SORL1: variants seen among roughly 807,000 people sequenced by gnomAD.
The protein encoded by SORL1 is sortilin related receptor 1.
SORL1 carries 127 observed loss-of-function variants against 273.7 expected under a neutral mutation model. The ratio of observed to expected loss-of-function variants is 0.46; its 90% CI spans 0.40 to 0.54. The LOEUF (loss-of-function observed/expected upper bound fraction) is 0.54, where lower values mean the gene tolerates loss of function less well. SORL1 is among the 20% of genes least tolerant of loss of function. The pLI is 0.00. For missense variants in SORL1, 2,494 were observed against 2,846.1 expected (o/e 0.88, Z 2.81); for synonymous variants, 1,031 against 1,067.4 (o/e 0.97, Z 0.66).
At position 121,605,244 on chromosome 11, in the gene SORL1, G is replaced by T. The variant is rs1863451642; in HGVS notation, c.4778+5G>T. 6.2e-7 allele frequency: 1 copy of T among 1,607,206 alleles called. No individual in the cohort carries two copies. The highest frequency in any genetic ancestry group is 8.5e-7 in the Non-Finnish European group (1 of 1,177,382). On this transcript the variant is annotated splice_donor_5th_base_variant and intron_variant, in intron 34 of 47. Coordinates refer to ENST00000260197, the MANE Select transcript of SORL1 (RefSeq NM_003105.6). The stretch of plus-strand genomic sequence containing the variant: ...TGTATATAATGTCTACTACAGGTAG[G>T]TCCCATCTTTGTCATGGGAGATGAA...
chr11:121,487,279 C>T (rs564657208), intron 3 of SORL1, among the ~76,000 whole-genome samples: 9 of 152,330 alleles, frequency 5.9e-5, no homozygotes, highest in African/African-American at 9.6e-5. Context: ...GCGTCTGGTC[C>T]GTGGTGGGAA....
chr11:121,482,487 T>C (rs1292162905), intron 3 of SORL1, among the ~76,000 whole-genome samples: 1 of 152,206 alleles, frequency 6.6e-6, no homozygotes, highest in Admixed American at 6.5e-5. Context: ...CAGCATTCTC[T>C]GTAGATAGTT....
At chr11:121,586,693 T>TGGGGGGGGGGGGGGGG (rs376563096) in intron 27 of SORL1, among the ~76,000 whole-genome samples, 4 of 97,160 alleles carry the variant, frequency 4.1e-5, no homozygotes, top group Admixed American at 1.2e-4. Flanking sequence ...GGGGGTAGAG[T>TGGGGGGGGGGGGGGGG]GGGGGGGGGG....
intron 24 of SORL1, chr11:121,576,841 A>G: frequency 6.5e-6 from 10 of 1,534,822 alleles, no homozygotes; most frequent in Non-Finnish European, 7.9e-6. Flanking sequence ...TCTCACGGTG[A>G]TCAGCTCATG....
intron 1 of SORL1, among the ~76,000 whole-genome samples, chr11:121,458,134 G>A (rs1259411795): frequency 1.3e-5 from 2 of 152,176 alleles, no homozygotes; most frequent in Non-Finnish European, 2.9e-5. Context: ...AAAAATAATC[G>A]ATTTGCTTTT....
chr11:121,593,882 T>C (rs1332743095), intron 31 of SORL1, among the ~76,000 whole-genome samples: 2 of 152,178 alleles, frequency 1.3e-5, no homozygotes, highest in Middle Eastern at 3.2e-3. Flanking sequence ...TTTAGTTTAA[T>C]CCCATGTTTC....
In SORL1 at chr11:121,622,284, A is replaced by C; in HGVS notation, c.6171+16A>C. ...TGAAAGCAGGGTAAGTTCCTCCCTCATTCTCAATGACTTTGGAAATTTAAT... is the reference window on the plus strand; with the variant it reads ...TGAAAGCAGGGTAAGTTCCTCCCTCCTTCTCAATGACTTTGGAAATTTAAT... On this transcript the variant is annotated intron_variant, in intron 45 of 47. Coordinates refer to ENST00000260197, the MANE Select transcript of SORL1 (RefSeq NM_003105.6). 6.9e-7 allele frequency: 1 copy of C among 1,451,180 alleles called. No homozygotes were observed. The highest frequency in any genetic ancestry group is 9.7e-7 in the Non-Finnish European group (1 of 1,035,266). 89.9% of individuals were successfully genotyped at this position (1,451,180 alleles called of 1,614,324 possible). A position where few individuals can be genotyped will look rare whatever the true frequency, so the allele number is the denominator to read the frequency against.
At chr11:121,555,539 T>C (rs923466503) in intron 18 of SORL1, among the ~76,000 whole-genome samples, 5 of 152,230 alleles carry the variant, frequency 3.3e-5, no homozygotes, top group African/African-American at 1.2e-4. Flanking sequence ...CTAATAACAA[T>C]AAATGGTAAT....
At position 121,595,670 on chromosome 11, in the gene SORL1, C is replaced by T. The variant is rs757266473; in HGVS notation, c.4417C>T (p.Arg1473Ter). The T allele has an allele frequency of 1.9e-6, 3 of 1,613,078 alleles. No individual in the cohort carries two copies. Among genetic ancestry groups the T allele is most frequent in the Non-Finnish European group, 2.5e-6 (3 of 1,179,554 alleles). ...STPTQLGRCD[R>*]FEFECHQPKT... ...TCCCACCCAACTTGGGCGATGTGAC[C>T]GATTTGAGTTCGAATGCCACCAACC... Residue 1473 changes from arginine (R) to a stop codon, truncating the protein, a stop_gained, in exon 32 of 48, where the codon CGA (arginine) becomes TGA (stop). Coordinates refer to ENST00000260197, the MANE Select transcript of SORL1 (RefSeq NM_003105.6). LOFTEE classifies it high-confidence loss of function. The surrounding 1 kb of genome is among the most constrained non-coding windows in gnomAD (Gnocchi z 5.1).
At chr11:121,501,850 C>T (rs1375392233) in intron 6 of SORL1, among the ~76,000 whole-genome samples, 1 of 152,188 alleles carries the variant, frequency 6.6e-6, no homozygotes, top group African/African-American at 2.4e-5. Flanking sequence ...CCTTTTGTGA[C>T]TGGTTTCTTT....
intron 22 of SORL1, 121 bp downstream of exon 22, chr11:121,567,234 G>A (rs1862768455): frequency 1.1e-6 from 1 of 891,860 alleles, no homozygotes; most frequent in Non-Finnish European, 1.7e-6. Flanking sequence ...AAAGTCCAAG[G>A]TAAAAATCAA....
intron 16 of SORL1, among the ~76,000 whole-genome samples, chr11:121,552,708 G>C (rs2134900277): frequency 6.6e-6 from 1 of 152,294 alleles, no homozygotes; most frequent in Middle Eastern, 3.4e-3. Context: ...AAAATTGTAG[G>C]TAGATTTATT....
chr11:121,467,278 T>C (rs986866186), intron 1 of SORL1, among the ~76,000 whole-genome samples: 2 of 152,138 alleles, frequency 1.3e-5, no homozygotes, highest in African/African-American at 4.8e-5. Context: ...CCCTTGGATG[T>C]TTTGAGGCTT....
At chr11:121,540,421 A>G (rs1282149992) in intron 12 of SORL1, among the ~76,000 whole-genome samples, 8 of 151,600 alleles carry the variant, frequency 5.3e-5, no homozygotes, top group African/African-American at 1.9e-4. Flanking sequence ...TCACGCCTGT[A>G]ATCCCAGCAC....
intron 23 of SORL1, among the ~76,000 whole-genome samples, chr11:121,573,933 C>T (rs894942336): frequency 3.9e-5 from 6 of 152,282 alleles, no homozygotes; most frequent in Admixed American, 2.0e-4. Flanking sequence ...ACACTTTTCG[C>T]GTCTGAAGGG....
chr11:121,595,312 G>A lies in SORL1; in HGVS notation c.4370-311G>A, dbSNP rs561263876. ...CTCCTGTGACGGCTTAGGGTAGGAC[G>A]CAGCCTTCGCTGGCCTCTTTAGTCA... On this transcript the variant is annotated intron_variant, in intron 31 of 47. Transcript: ENST00000260197. This position sits in a 1 kb window ranked among gnomAD's most constrained non-coding sequence, Gnocchi z 5.1. Among the ~76,000 whole-genome samples, 8 of 152,290 alleles carry A rather than the reference G, an allele frequency of 5.3e-5. No individual in the cohort carries two copies. The highest frequency in any genetic ancestry group is 1.9e-4 in the African/African-American group (8 of 41,580).
rs765993346 is a variant in SORL1, at chr11:121,583,535, G to T, written c.3658G>T (p.Gly1220Trp). The change falls in exon 26 of 48, where the codon GGG becomes TGG. Residue 1220 changes from glycine to tryptophan, a missense_variant. By Grantham distance (184) the Gly-to-Trp change is radical. Coordinates refer to ENST00000260197, the MANE Select transcript of SORL1 (RefSeq NM_003105.6). ...CATCCCCCAGCGGTGGGCGTGTGAC[G>T]GGGATACGGACTGCCAGGATGGTTC... ...HCIPQRWACD[G>W]DTDCQDGSDE... 4.3e-6 allele frequency: 7 copies of T among 1,612,540 alleles called. No individual in the cohort carries two copies. The South Asian group carries it at 7.7e-5, about 18-fold the overall frequency.
At chr11:121,552,865 T>A (rs1320304372) in intron 16 of SORL1, among the ~76,000 whole-genome samples, 1 of 152,218 alleles carries the variant, frequency 6.6e-6, no homozygotes, top group Non-Finnish European at 1.5e-5. Context: ...TGGTCCCATA[T>A]GCAACACACT....
chr11:121,545,096 A>G (rs1198559718), intron 13 of SORL1, 147 bp from the exon 14 acceptor site: 6 of 691,874 alleles, frequency 8.7e-6, no homozygotes, highest in East Asian at 2.7e-5. Context: ...CCCAGCTTCA[A>G]AACAAGCTGA....
Sources: gnomAD v4.1 joint callset for allele counts (sites outside exome capture counted in the v4.1 genomes callset) on GRCh38, gnomAD v4.1.1 for gene constraint, Gnocchi (gnomAD v3.1) non-coding constraint, MANE v1.5 for transcripts, NCBI Gene and HGNC (gene_info 2026-07-23, HGNC 2026-07-21) for gene names.